Variants in WWOX observed in about 807,000 individuals in gnomAD.
WWOX encodes the protein WW domain-containing oxidoreductase.
WWOX carries 69 observed loss-of-function variants against 46.2 expected under a neutral mutation model. The observed-to-expected ratio is 1.49, with a 90% CI of 1.23 to 1.82. The LOEUF (loss-of-function observed/expected upper bound fraction) is 1.82. Ranked by LOEUF, WWOX falls within the 40% of genes most tolerant of loss-of-function variation. The pLI, the probability that WWOX is intolerant of heterozygous loss-of-function variation, is 0.00. For synonymous variants in WWOX, 359 were observed against 202.6 expected, an observed-to-expected ratio of 1.77 and a Z score of -6.56; for missense variants, 919 against 542.6, an observed-to-expected ratio of 1.69 and a Z score of -6.89.
At chr16:78,618,197 A>G (rs750697887) in intron 8 of WWOX, among the ~76,000 whole-genome samples, 11 of 152,194 alleles carry the variant, frequency 7.2e-5, no homozygotes, top group Non-Finnish European at 1.3e-4. Flanking sequence ...CACTGATTCT[A>G]AAGTCCTTGC....
chr16:78,183,348 T>C (rs2035592848), intron 5 of WWOX, among the ~76,000 whole-genome samples: 1 of 152,188 alleles, frequency 6.6e-6, no homozygotes, highest in African/African-American at 2.4e-5. Context: ...ATACAATGCC[T>C]GTATTTCTCA....
intron 5 of WWOX, among the ~76,000 whole-genome samples, chr16:78,226,797 A>G (rs1444740967): frequency 6.6e-6 from 1 of 152,118 alleles, no homozygotes; most frequent in Non-Finnish European, 1.5e-5. Flanking sequence ...GTACGCAGGA[A>G]GTACGTTTCC....
rs147516705 is a variant in WWOX, at chr16:78,998,540, T to C, written c.1057-213068T>C. 2.3e-3 allele frequency among the ~76,000 whole-genome samples: 352 copies of C among 152,328 alleles called. 1 individual carries two copies. Among genetic ancestry groups the C allele is most frequent in the African/African-American group, 8.3e-3 (345 of 41,566 alleles). On this transcript the variant is annotated intron_variant, in intron 8 of 8. Transcript: ENST00000566780. ...AGTCATTCTGTGTTCAAATCTTGGC[T>C]CTACCACCTATGATCTGGGAGCTGT...
At chr16:78,942,280 C>T (rs1332003452) in intron 8 of WWOX, among the ~76,000 whole-genome samples, 1 of 152,090 alleles carries the variant, frequency 6.6e-6, no homozygotes, top group East Asian at 1.9e-4. Flanking sequence ...TGCTGCCAAG[C>T]CATCTTGAAG....
At chr16:79,194,133 C>T (rs541184183) in intron 8 of WWOX, among the ~76,000 whole-genome samples, 1 of 152,176 alleles carries the variant, frequency 6.6e-6, no homozygotes, top group East Asian at 1.9e-4. Flanking sequence ...GCACGTAATG[C>T]ATATTATGTA....
chr16:79,201,657 T>G (rs2051354626), intron 8 of WWOX, among the ~76,000 whole-genome samples: 1 of 152,222 alleles, frequency 6.6e-6, no homozygotes, highest in Non-Finnish European at 1.5e-5. Flanking sequence ...CTGCTTGGTT[T>G]CCATGGATAC....
chr16:79,182,169 G>C (rs2050925383), intron 8 of WWOX, among the ~76,000 whole-genome samples: 1 of 151,900 alleles, frequency 6.6e-6, no homozygotes, highest in African/African-American at 2.4e-5. Flanking sequence ...GTTCTTTCTG[G>C]TGGTTCGTTT....
intron 5 of WWOX, among the ~76,000 whole-genome samples, chr16:78,367,215 G>A (rs969197904): frequency 1.4e-4 from 21 of 152,082 alleles, no homozygotes; most frequent in African/African-American, 4.6e-4. Context: ...TCCTGACCTC[G>A]TGATTCAACT....
At position 79,155,329 on chromosome 16, in the gene WWOX, T is replaced by G. The variant is rs1020892446; in HGVS notation, c.1057-56279T>G. On this transcript the variant is annotated intron_variant, in intron 8 of 8. Coordinates refer to ENST00000566780, the MANE Select transcript of WWOX (RefSeq NM_016373.4). Reference sequence around the variant, plus strand: ...AGGAAGAGGTTGCAGTGAGCTGAGATCACGCCATTGCACTCCAGCCTGGCG... The same window carrying G: ...AGGAAGAGGTTGCAGTGAGCTGAGAGCACGCCATTGCACTCCAGCCTGGCG... Among the ~76,000 whole-genome samples, 6 of 151,968 alleles carry G rather than the reference T, an allele frequency of 3.9e-5. No homozygotes were observed. In the East Asian group the frequency reaches 1.2e-3, roughly 29 times the overall value.
intron 8 of WWOX, among the ~76,000 whole-genome samples, chr16:79,181,017 ATTAAG>A (rs1249773384): frequency 2.6e-5 from 4 of 152,190 alleles, no homozygotes; most frequent in Non-Finnish European, 5.9e-5. Context: ...TTTTTACATT[ATTAAG>A]TTAATACATG....
Position 78,412,428 on chromosome 16 carries a change from G to T in WWOX, c.606-12442G>T, listed in dbSNP as rs574903134. 2.6e-5 allele frequency among the ~76,000 whole-genome samples: 4 copies of T among 152,328 alleles called. No individual in the cohort carries two copies. The South Asian group carries it at 8.3e-4, about 32-fold the overall frequency. ...AAAGAATATAGTGGCTAGAGCTAAG[G>T]GTTTGAAGTCTTCATGGCGATTTTG... On this transcript the variant is annotated intron_variant, in intron 6 of 8. Transcript: ENST00000566780.
chr16:78,657,728 G>A lies in WWOX; in HGVS notation c.1056+224976G>A, dbSNP rs78722920. 3.9e-3 allele frequency among the ~76,000 whole-genome samples: 591 copies of A among 152,226 alleles called. 6 individuals carry two copies. Among genetic ancestry groups the A allele is most frequent in the African/African-American group, 0.013 (547 of 41,542 alleles). On this transcript the variant is annotated intron_variant, in intron 8 of 8. Transcript: ENST00000566780. ...TGCCTTTTCTAGCTTGGAAGGTGGCGCAAATAACTGCTTGAGGCTCCCTCT... is the reference window on the plus strand; with the variant it reads ...TGCCTTTTCTAGCTTGGAAGGTGGCACAAATAACTGCTTGAGGCTCCCTCT...
chr16:79,147,475 T>C (rs2050202700), intron 8 of WWOX, among the ~76,000 whole-genome samples: 1 of 152,254 alleles, frequency 6.6e-6, no homozygotes, highest in Admixed American at 6.5e-5. Flanking sequence ...GTATTGTACA[T>C]ATAAGTGATC....
At chr16:78,728,724 A>C (rs2048894086) in intron 8 of WWOX, among the ~76,000 whole-genome samples, 1 of 152,166 alleles carries the variant, frequency 6.6e-6, no homozygotes, top group Non-Finnish European at 1.5e-5. Context: ...CAGTTTTCAC[A>C]TCCTATGATT....
chr16:78,617,237 C>G (rs2046047952), intron 8 of WWOX, among the ~76,000 whole-genome samples: 1 of 151,882 alleles, frequency 6.6e-6, no homozygotes, highest in African/African-American at 2.4e-5. Context: ...CACGGTGAAA[C>G]TAAGAATAGA....
At chr16:78,409,088 G>A (rs559478854) in intron 6 of WWOX, among the ~76,000 whole-genome samples, 1 of 152,278 alleles carries the variant, frequency 6.6e-6, no homozygotes, top group African/African-American at 2.4e-5. Flanking sequence ...GTGAGACCCT[G>A]TTGCTAAAGT....
At chr16:78,989,836 G>GTT (rs1555507895) in intron 8 of WWOX, among the ~76,000 whole-genome samples, 1 of 151,156 alleles carries the variant, frequency 6.6e-6, no homozygotes, top group Non-Finnish European at 1.5e-5. Context: ...GTGTGTGTGT[G>GTT]TGTGTGTGTG....
chr16:78,420,107 G>T (rs1001721599), intron 6 of WWOX, among the ~76,000 whole-genome samples: 1 of 152,052 alleles, frequency 6.6e-6, no homozygotes, highest in Non-Finnish European at 1.5e-5. Flanking sequence ...AAATAAAAAA[G>T]TCAGATAACA....
intron 8 of WWOX, among the ~76,000 whole-genome samples, chr16:78,722,376 G>A (rs1567515438): frequency 6.6e-6 from 1 of 152,148 alleles, no homozygotes; most frequent in Admixed American, 6.5e-5. Context: ...TAACTCATGG[G>A]TGTGTTTAAG....
Sources: gnomAD v4.1 joint callset for allele counts (sites outside exome capture counted in the v4.1 genomes callset) on GRCh38, gnomAD v4.1.1 for gene constraint, MANE v1.5 for transcripts, NCBI Gene and HGNC (gene_info 2026-07-23, HGNC 2026-07-21) for gene names.